Variants in BCL2 observed in about 807,000 individuals in gnomAD.
BCL2 encodes apoptosis regulator Bcl-2.
Under a neutral mutation model 14.2 loss-of-function variants are expected in BCL2, and 1 was observed. That is an observed-to-expected ratio of 0.07 (90% CI 0.02 to 0.33). The LOEUF (loss-of-function observed/expected upper bound fraction) is 0.33. Among genes scored for constraint, BCL2 ranks in the 10% least tolerant of loss-of-function variants. The pLI is 0.99. For synonymous variants in BCL2, 151 were observed against 137.2 expected, an observed-to-expected ratio of 1.10 and a Z score of -0.70; for missense variants, 247 against 305.9, an observed-to-expected ratio of 0.81 and a Z score of 1.44.
chr18:63,305,871 T>C lies in BCL2; in HGVS notation c.585+12211A>G, dbSNP rs151307529. Among the ~76,000 whole-genome samples, 453 of 152,198 alleles carry C rather than the reference T, an allele frequency of 3.0e-3. 4 individuals carry two copies. The highest frequency in any genetic ancestry group is 0.01 in the African/African-American group (421 of 41,528). On this transcript the variant is annotated intron_variant, in intron 2 of 2. Coordinates refer to ENST00000333681, the MANE Select transcript of BCL2 (RefSeq NM_000633.3). The stretch of plus-strand genomic sequence containing the variant: ...AGGATTGCTTGAAGCCAGGAGTTTG[T>C]GACCAGCCTGGGCAACAAAGTGAGA...
At chr18:63,227,270 G>A (rs1910574501) in intron 2 of BCL2, among the ~76,000 whole-genome samples, 1 of 152,256 alleles carries the variant, frequency 6.6e-6, no homozygotes, top group Non-Finnish European at 1.5e-5. Context: ...CAGAGACTGA[G>A]ATGCTTTAAT....
chr18:63,234,105 A>C (rs553880471), intron 2 of BCL2, among the ~76,000 whole-genome samples: 58 of 152,278 alleles, frequency 3.8e-4, no homozygotes, highest in African/African-American at 1.3e-3. Flanking sequence ...TATTTTAAGC[A>C]CTGGGATACA....
chr18:63,157,950 C>CT (rs142371788), intron 2 of BCL2, among the ~76,000 whole-genome samples: 89 of 149,608 alleles, frequency 5.9e-4, no homozygotes, highest in Admixed American at 1.9e-3. Flanking sequence ...TTCTTTTCTT[C>CT]TTTTTTTTTT....
At chr18:63,311,239 T>C (rs1469297406) in intron 2 of BCL2, among the ~76,000 whole-genome samples, 1 of 152,188 alleles carries the variant, frequency 6.6e-6, no homozygotes, top group African/African-American at 2.4e-5. Context: ...AGAGTTAATA[T>C]AGAGATATAG....
At position 63,132,604 on chromosome 18, in the gene BCL2, C is replaced by G. The variant is rs149019988; in HGVS notation, c.586-3845G>C. ...GGCTAGAGGGCAAGTCATTTAACCC[C>G]CTGGAGGTTGGAGCTGGCCTCTAAA... On this transcript the variant is annotated intron_variant, in intron 2 of 2. Coordinates refer to ENST00000333681, the MANE Select transcript of BCL2 (RefSeq NM_000633.3). Among the ~76,000 whole-genome samples, 908 of 152,162 alleles carry G rather than the reference C, an allele frequency of 6.0e-3. 3 individuals are homozygous for G. The highest frequency in any genetic ancestry group is 0.038 in the Middle Eastern group (11 of 292).
intron 2 of BCL2, among the ~76,000 whole-genome samples, chr18:63,266,498 T>C (rs1396655125): frequency 6.6e-6 from 1 of 151,648 alleles, no homozygotes; most frequent in African/African-American, 2.4e-5. Context: ...ATTTTTTGAA[T>C]TTTATAATAT....
At chr18:63,208,288 T>C (rs574915760) in intron 2 of BCL2, 1 of 152,266 alleles carries the variant, frequency 6.6e-6, no homozygotes, top group South Asian at 2.1e-4. Flanking sequence ...TTTATGAAAA[T>C]TGTTAACGAC....
rs1913596433 is a variant in BCL2 at position 63,318,769 on chromosome 18, T to C, written c.-103A>G. The C allele has an allele frequency of 1.3e-6, 2 of 1,529,428 alleles. No individual in the cohort carries two copies. The highest frequency in any genetic ancestry group is 1.4e-5 in the African/African-American group (1 of 70,318). The allele number at this position is 1,529,428 out of a possible 1,614,324, so 94.7% of individuals were successfully genotyped here. A position where few individuals can be genotyped will look rare whatever the true frequency, so the allele number is the denominator to read the frequency against. ...GAGGAGTTATAATCCAGCTATTTTA[T>C]TGGATGTGCTTTGCATTCTTGGACG... On this transcript the variant is annotated 5_prime_UTR_variant, in exon 2 of 3. Coordinates refer to ENST00000333681, the MANE Select transcript of BCL2 (RefSeq NM_000633.3). The surrounding 1 kb of genome is among the most constrained non-coding windows in gnomAD (Gnocchi z 7.4).
chr18:63,201,808 T>A (rs1279985179), intron 2 of BCL2, among the ~76,000 whole-genome samples: 3 of 151,412 alleles, frequency 2.0e-5, no homozygotes, highest in Admixed American at 1.3e-4. Context: ...GAGGAGAACA[T>A]CACACACTGG....
intron 2 of BCL2, chr18:63,302,575 TA>T (rs1599300942): frequency 1.0e-6 from 1 of 985,084 alleles, no homozygotes; most frequent in East Asian, 1.1e-4. Flanking sequence ...TGTGCTTTAT[TA>T]AACAAACCAC....
At chr18:63,158,909 G>T (rs1352785788) in intron 2 of BCL2, among the ~76,000 whole-genome samples, 1 of 152,096 alleles carries the variant, frequency 6.6e-6, no homozygotes, top group Non-Finnish European at 1.5e-5. Flanking sequence ...ATCTCTCTTG[G>T]GCTGTTTTTC....
intron 2 of BCL2, among the ~76,000 whole-genome samples, chr18:63,290,704 G>A (rs1402332057): frequency 6.6e-6 from 1 of 152,128 alleles, no homozygotes; most frequent in East Asian, 1.9e-4. Flanking sequence ...ACCTTTCATG[G>A]GCTCAGTTCA....
chr18:63,296,263 G>A (rs558469495), intron 2 of BCL2, among the ~76,000 whole-genome samples: 3 of 152,248 alleles, frequency 2.0e-5, no homozygotes, highest in African/African-American at 7.2e-5. Context: ...TCCCAACCCA[G>A]CTGTAATGGT....
chr18:63,218,669 G>C (rs62100192), intron 2 of BCL2, among the ~76,000 whole-genome samples: 415 of 1,512 alleles, frequency 0.27, 12 homozygotes, highest in Middle Eastern at 0.5. Context: ...CCATCCTCCA[G>C]TCATCCCCAT....
rs368338992 is a variant in BCL2 at position 63,289,164 on chromosome 18, C to T, written c.585+28918G>A. Among the ~76,000 whole-genome samples, 25 of 151,916 alleles carry T rather than the reference C, an allele frequency of 1.6e-4. 1 individual carries two copies. In the South Asian group the frequency reaches 1.7e-3, roughly 10 times the overall value. Reference sequence around the variant, plus strand: ...AAAATAACAACTTAGAAAACAGCCCCGGGCCTCAACATGTTTATAACCTGG... The same window carrying T: ...AAAATAACAACTTAGAAAACAGCCCTGGGCCTCAACATGTTTATAACCTGG... On this transcript the variant is annotated intron_variant, in intron 2 of 2. Coordinates refer to ENST00000333681, the MANE Select transcript of BCL2 (RefSeq NM_000633.3).
chr18:63,178,711 C>T (rs1915407781), intron 2 of BCL2, among the ~76,000 whole-genome samples: 1 of 151,966 alleles, frequency 6.6e-6, no homozygotes, highest in Non-Finnish European at 1.5e-5. Context: ...AGAGTGGGCC[C>T]CAGGGGACAA....
chr18:63,149,431 A>G lies in BCL2; in HGVS notation c.586-20672T>C, dbSNP rs950270953. ...TGCGGCCCTGTTCCTAACAGGCCAC[A>G]GACCCATACCGGTCCCGGGCTATAT... On this transcript the variant is annotated intron_variant, in intron 2 of 2. Transcript: ENST00000333681. This position sits in a 1 kb window ranked among gnomAD's most constrained non-coding sequence, Gnocchi z 4.2. Among the ~76,000 whole-genome samples the G allele has an allele frequency of 6.6e-6, 1 of 152,238 alleles. No homozygotes were observed. The highest frequency in any genetic ancestry group is 2.4e-5 in the African/African-American group (1 of 41,460).
intron 2 of BCL2, among the ~76,000 whole-genome samples, chr18:63,151,804 A>C (rs971309251): frequency 7.9e-5 from 12 of 152,166 alleles, no homozygotes; most frequent in Admixed American, 1.3e-4. Context: ...AAACACAAGC[A>C]AGTTGAAACC....
At chr18:63,135,688 T>C (rs1914189689) in intron 2 of BCL2, among the ~76,000 whole-genome samples, 1 of 152,148 alleles carries the variant, frequency 6.6e-6, no homozygotes, top group Non-Finnish European at 1.5e-5. Flanking sequence ...TCAGGAACCT[T>C]CCTCCGTCAA....
Sources: allele counts gnomAD v4.1 joint callset (sites outside exome capture counted in the v4.1 genomes callset), GRCh38; gene constraint gnomAD v4.1.1; non-coding constraint Gnocchi (gnomAD v3.1); transcripts MANE v1.5; gene names NCBI Gene and HGNC (gene_info 2026-07-23, HGNC 2026-07-21).